MAGI1: variants seen among roughly 807,000 people sequenced by gnomAD.
The protein encoded by MAGI1 is membrane associated guanylate kinase, WW and PDZ domain containing 1.
In MAGI1, 58 loss-of-function variants were observed where a neutral mutation model predicts 139.9. The ratio of observed to expected loss-of-function variants is 0.41; its 90% CI spans 0.34 to 0.52. The LOEUF (loss-of-function observed/expected upper bound fraction) is 0.52, where lower values mean the gene tolerates loss of function less well. Ranked by LOEUF, MAGI1 falls within the 20% of genes least tolerant of loss-of-function variation. The pLI is 0.12. For missense variants in MAGI1, 1,874 were observed against 1,901.6 expected, an observed-to-expected ratio of 0.99 and a Z score of 0.27; for synonymous variants, 812 against 737.9, an observed-to-expected ratio of 1.10 and a Z score of -1.63.
chr3:65,370,064 T>C (rs1398938471), intron 18 of MAGI1, among the ~76,000 whole-genome samples: 1 of 152,214 alleles, frequency 6.6e-6, no homozygotes, highest in Non-Finnish European at 1.5e-5. Flanking sequence ...ACTCTTTGTC[T>C]TCTGGGGGTT....
chr3:65,770,235 T>G (rs2037839441), intron 1 of MAGI1, among the ~76,000 whole-genome samples: 1 of 152,220 alleles, frequency 6.6e-6, no homozygotes, highest in Non-Finnish European at 1.5e-5. Context: ...ACTCTATGAC[T>G]TCTCCTAGTT....
intron 1 of MAGI1, among the ~76,000 whole-genome samples, chr3:65,676,329 C>T (rs1225299306): frequency 6.6e-6 from 1 of 152,100 alleles, no homozygotes; most frequent in Non-Finnish European, 1.5e-5. Flanking sequence ...TGTACACACA[C>T]GTGTCTCTAT....
chr3:65,386,329 G>A (rs554599525), intron 14 of MAGI1, among the ~76,000 whole-genome samples: 8 of 151,944 alleles, frequency 5.3e-5, no homozygotes, highest in South Asian at 2.1e-4. Flanking sequence ...TGTTGAAAAG[G>A]AAGATGCCCA....
At chr3:65,968,237 T>G (rs1012299093) in intron 1 of MAGI1, among the ~76,000 whole-genome samples, 1 of 152,250 alleles carries the variant, frequency 6.6e-6, no homozygotes, top group African/African-American at 2.4e-5. Flanking sequence ...TGTGTCCACC[T>G]TTTGAACCAG....
chr3:65,770,003 T>G (rs1400629183), intron 1 of MAGI1, among the ~76,000 whole-genome samples: 1 of 152,142 alleles, frequency 6.6e-6, no homozygotes, highest in African/African-American at 2.4e-5. Context: ...CATGAGGAGA[T>G]TTACGTGCCA....
chr3:65,512,195 A>G (rs1340967947), intron 2 of MAGI1, among the ~76,000 whole-genome samples: 1 of 130,048 alleles, frequency 7.7e-6, no homozygotes, highest in Admixed American at 8.5e-5. Context: ...TGCCCACAAG[A>G]GAAAGCAGGA....
chr3:65,478,440 T>C, intron 4 of MAGI1, 152 bp downstream of exon 4: 1 of 687,340 alleles, frequency 1.5e-6, no homozygotes, highest in Non-Finnish European at 2.6e-6. Context: ...GAAAGGACCA[T>C]CTCTTCTGCA....
chr3:65,583,512 A>T (rs1014118048), intron 2 of MAGI1, among the ~76,000 whole-genome samples: 1 of 152,092 alleles, frequency 6.6e-6, no homozygotes, highest in African/African-American at 2.4e-5. Flanking sequence ...AGATTCTAAG[A>T]ATGATATTTC....
At position 66,038,217 on chromosome 3, in the gene MAGI1, GTCACCCCCAGC is replaced by G. The variant is rs777091108; in HGVS notation, c.81_91del (p.Glu27AspfsTer55). The G allele has an allele frequency of 6.2e-7, 1 of 1,611,914 alleles. No individual in the cohort carries two copies. ...CCCGTGCTCCGCGCCTCCCAGCACC[GTCACCCCCAGC>G]TCGCCCTGGGGTCCCCGCTTCACGG... On this transcript the variant is annotated frameshift_variant, in exon 1 of 23. Coordinates refer to ENST00000402939, the MANE Select transcript of MAGI1 (RefSeq NM_001033057.2). LOFTEE classifies it high-confidence loss of function.
At chr3:65,518,815 G>T (rs2078020441) in intron 2 of MAGI1, among the ~76,000 whole-genome samples, 1 of 152,106 alleles carries the variant, frequency 6.6e-6, no homozygotes, top group Admixed American at 6.5e-5. Context: ...CCATGGAGTT[G>T]ATATTCTAGT....
chr3:65,394,376 T>A (rs1203302059), intron 13 of MAGI1, among the ~76,000 whole-genome samples: 1 of 152,214 alleles, frequency 6.6e-6, no homozygotes, highest in African/African-American at 2.4e-5. Flanking sequence ...AAATGCCATC[T>A]AAACTTTATA....
chr3:65,648,832 C>A (rs116523471), intron 1 of MAGI1, among the ~76,000 whole-genome samples: 1 of 152,128 alleles, frequency 6.6e-6, no homozygotes, highest in Non-Finnish European at 1.5e-5. Context: ...TTTAAGACTA[C>A]GTGGTATTGA....
At chr3:65,521,063 A>C (rs1215884566) in intron 2 of MAGI1, among the ~76,000 whole-genome samples, 2 of 152,202 alleles carry the variant, frequency 1.3e-5, no homozygotes, top group Non-Finnish European at 2.9e-5. Context: ...AATTAGTGCA[A>C]ACCCCATTAT....
intron 1 of MAGI1, among the ~76,000 whole-genome samples, chr3:65,739,206 G>A (rs1351706631): frequency 6.6e-6 from 1 of 152,156 alleles, no homozygotes; most frequent in African/African-American, 2.4e-5. Context: ...GCACTTTTAT[G>A]TTATAAAAAC....
At chr3:65,594,085 T>A (rs763006373) in intron 2 of MAGI1, among the ~76,000 whole-genome samples, 6 of 152,144 alleles carry the variant, frequency 3.9e-5, no homozygotes, top group Non-Finnish European at 7.4e-5. Context: ...TGGCCACCTA[T>A]CAAAACTTTA....
At chr3:65,729,480 C>A (rs967729351) in intron 1 of MAGI1, among the ~76,000 whole-genome samples, 2 of 152,130 alleles carry the variant, frequency 1.3e-5, no homozygotes, top group African/African-American at 4.8e-5. Context: ...ATATTTTATA[C>A]AGTCATTTAA....
chr3:66,024,462 C>T (rs551239566), intron 1 of MAGI1, among the ~76,000 whole-genome samples: 1 of 151,228 alleles, frequency 6.6e-6, no homozygotes, highest in East Asian at 1.9e-4. Context: ...CAGAATAAGC[C>T]CTTCCAGGTA....
At chr3:65,818,416 G>C (rs1392725180) in intron 1 of MAGI1, among the ~76,000 whole-genome samples, 1 of 152,176 alleles carries the variant, frequency 6.6e-6, no homozygotes. Context: ...GAGTGTTAAA[G>C]AGAGTAAGCA....
At position 65,379,335 on chromosome 3, in the gene MAGI1, C is replaced by T. The variant is rs140787779; in HGVS notation, c.2921G>A (p.Arg974Gln). The T allele has an allele frequency of 1.7e-3, 2,664 of 1,613,214 alleles. 20 individuals are homozygous for T. The highest frequency in any genetic ancestry group is 5.4e-3 in the East Asian group (241 of 44,830). The part of the protein sequence containing the change: ...TVVQPYDVEI[R>Q]RGENEGFGFV... ...GCCGAAGCCCTCGTTCTCCCCGCGC[C>T]GGATCTCCACGTCGTAGGGCTGCAC... Residue 974 changes from arginine to glutamine, a missense_variant, in exon 17 of 23, where the codon CGG (arginine) becomes CAG (glutamine). This residue lies in a region of MAGI1 where 482 missense variants were observed against 509.6 expected (regional missense o/e 0.95). Transcript: ENST00000402939.
Sources: gnomAD v4.1 joint callset for allele counts (sites outside exome capture counted in the v4.1 genomes callset) on GRCh38, gnomAD v4.1.1 for gene constraint, gnomAD v4.1.1 regional missense constraint, MANE v1.5 for transcripts, NCBI Gene and HGNC (gene_info 2026-07-23, HGNC 2026-07-21) for gene names.